KCNK2: variants seen among roughly 807,000 people sequenced by gnomAD.
The protein encoded by KCNK2 is potassium channel subfamily K member 2.
A neutral mutation model predicts 40.5 loss-of-function variants in KCNK2; 21 were observed. The ratio of observed to expected loss-of-function variants is 0.52; its 90% CI spans 0.37 to 0.75. KCNK2 has a LOEUF of 0.75. Ranked by LOEUF, KCNK2 falls within the 30% of genes least tolerant of loss-of-function variation. The pLI is 0.00. For missense variants in KCNK2, 399 were observed against 531.6 expected, an observed-to-expected ratio of 0.75 and a Z score of 2.45; for synonymous variants, 191 against 202.2, an observed-to-expected ratio of 0.94 and a Z score of 0.47.
intron 2 of KCNK2, among the ~76,000 whole-genome samples, chr1:215,096,996 A>G (rs996046967): frequency 6.6e-5 from 10 of 151,918 alleles, no homozygotes; most frequent in African/African-American, 2.4e-4. Context: ...TAGAAAACCC[A>G]GCATCTAAGT....
At chr1:215,038,565 T>C (rs1657461302) in intron 1 of KCNK2, among the ~76,000 whole-genome samples, 1 of 152,144 alleles carries the variant, frequency 6.6e-6, no homozygotes, top group African/African-American at 2.4e-5. Context: ...AGACAAGCTC[T>C]GGAGTCACTC....
At chr1:215,216,546 A>G (rs1665971976) in intron 6 of KCNK2, among the ~76,000 whole-genome samples, 1 of 149,992 alleles carries the variant, frequency 6.7e-6, no homozygotes, top group Admixed American at 6.7e-5. Context: ...TATATCATAT[A>G]TAGAATGTTG....
At chr1:215,115,478 T>C (rs1660891086) in intron 2 of KCNK2, among the ~76,000 whole-genome samples, 1 of 152,146 alleles carries the variant, frequency 6.6e-6, no homozygotes, top group Non-Finnish European at 1.5e-5. Context: ...TGTTGGTTAG[T>C]GTAGCACGCC....
At chr1:215,151,171 A>G (rs1662670460) in intron 3 of KCNK2, among the ~76,000 whole-genome samples, 2 of 152,104 alleles carry the variant, frequency 1.3e-5, no homozygotes, top group Admixed American at 1.3e-4. Context: ...AAGTGTCTAG[A>G]GAAAAAAATA....
At chr1:215,198,405 G>A (rs1013832474) in intron 6 of KCNK2, among the ~76,000 whole-genome samples, 1 of 152,178 alleles carries the variant, frequency 6.6e-6, no homozygotes, top group South Asian at 2.1e-4. Flanking sequence ...GAATTCAACA[G>A]AGAATGTGAA....
intron 1 of KCNK2, among the ~76,000 whole-genome samples, chr1:215,066,263 A>T (rs372299697): frequency 6.6e-6 from 1 of 152,314 alleles, no homozygotes; most frequent in East Asian, 1.9e-4. Flanking sequence ...TTAAAGTACA[A>T]TAAAAAAAGA....
chr1:215,117,495 G>A (rs1356937846), intron 2 of KCNK2, among the ~76,000 whole-genome samples: 2 of 152,114 alleles, frequency 1.3e-5, no homozygotes, highest in East Asian at 1.9e-4. Flanking sequence ...TAATTCTGCA[G>A]TAATAAATAT....
At chr1:215,111,262 G>A (rs1455580515) in intron 2 of KCNK2, among the ~76,000 whole-genome samples, 1 of 151,990 alleles carries the variant, frequency 6.6e-6, no homozygotes, top group African/African-American at 2.4e-5. Context: ...AGTACTGTTT[G>A]AATAGAAATG....
At chr1:215,082,317 G>A (rs1329950315), upstream of KCNK2, among the ~76,000 whole-genome samples, 3 of 152,110 alleles carry the variant, frequency 2.0e-5, no homozygotes, top group East Asian at 2.0e-4. Context: ...GGCTCTCAAG[G>A]CGCCAACGGG....
At chr1:215,079,651 T>C (rs542442765), upstream of KCNK2, among the ~76,000 whole-genome samples, 9 of 152,224 alleles carry the variant, frequency 5.9e-5, no homozygotes, top group African/African-American at 2.2e-4. Flanking sequence ...TGACTTGAGA[T>C]TTGGGCAGGG....
chr1:215,212,663 A>G (rs746585767), intron 6 of KCNK2, among the ~76,000 whole-genome samples: 9 of 152,226 alleles, frequency 5.9e-5, no homozygotes, highest in Non-Finnish European at 1.3e-4. Context: ...CCTTTGATGG[A>G]TAATGCTAAA....
rs144159026 is a variant in KCNK2 at position 215,202,812 on chromosome 1, G to A, written c.963+7720G>A. Among the ~76,000 whole-genome samples the A allele has an allele frequency of 2.6e-5, 4 of 152,292 alleles. No homozygotes were observed. The East Asian group carries it at 5.8e-4, about 22-fold the overall frequency. ...ACACAGGTACAGTGACTTGTGAAAG[G>A]TTATACAGCTAGTAAAGTGGAAGAA... On this transcript the variant is annotated intron_variant, in intron 6 of 6. Transcript: ENST00000444842.
chr1:215,007,043 GTGTGTGTATATATATA>G, intron 1 of KCNK2, among the ~76,000 whole-genome samples: 1 of 116,970 alleles, frequency 8.5e-6, no homozygotes, highest in South Asian at 2.6e-4. Flanking sequence ...ATATATGTGT[GTGTGTGTATATATATA>G]TGTGTGTGTG....
intron 3 of KCNK2, among the ~76,000 whole-genome samples, chr1:215,133,885 A>T (rs1661779609): frequency 6.6e-6 from 1 of 152,150 alleles, no homozygotes; most frequent in Non-Finnish European, 1.5e-5. Context: ...TGAACTACTG[A>T]AAGCCACAGG....
chr1:215,191,397 G>A (rs1262829701), intron 5 of KCNK2, among the ~76,000 whole-genome samples: 1 of 152,068 alleles, frequency 6.6e-6, no homozygotes, highest in African/African-American at 2.4e-5. Context: ...TTAATGCTGG[G>A]TAGAGGGACT....
At chr1:215,118,550 C>G (rs761050282) in intron 2 of KCNK2, among the ~76,000 whole-genome samples, 1 of 144,154 alleles carries the variant, frequency 6.9e-6, no homozygotes, top group African/African-American at 2.4e-5. Context: ...TGGCTTCCCC[C>G]GCAAAGAAAT....
chr1:215,230,440 C>A (rs1425113055), intron 6 of KCNK2, among the ~76,000 whole-genome samples: 1 of 141,768 alleles, frequency 7.1e-6, no homozygotes, highest in African/African-American at 2.6e-5. Context: ...TATATGCAGA[C>A]CAAAAAATCG....
intron 2 of KCNK2, among the ~76,000 whole-genome samples, chr1:215,093,373 T>A (rs1341153296): frequency 2.2e-5 from 3 of 139,220 alleles, no homozygotes; most frequent in Non-Finnish European, 4.5e-5. Context: ...ATATTATATA[T>A]AAAATATACA....
At chr1:215,131,233 G>A (rs555460218) in intron 3 of KCNK2, among the ~76,000 whole-genome samples, 82 of 151,114 alleles carry the variant, frequency 5.4e-4, no homozygotes, top group African/African-American at 2.0e-3. Context: ...CAAAAATGAC[G>A]TATGGACAAC....
Sources: allele counts gnomAD v4.1 joint callset (sites outside exome capture counted in the v4.1 genomes callset), GRCh38; gene constraint gnomAD v4.1.1; transcripts MANE v1.5; gene names NCBI Gene and HGNC (gene_info 2026-07-23, HGNC 2026-07-21).